Variants in MVK observed in about 807,000 individuals in gnomAD.
MVK encodes the protein mevalonate kinase, also known as LH receptor mRNA-binding protein.
In MVK, 34 loss-of-function variants were observed where a neutral mutation model predicts 43.2. The ratio of observed to expected loss-of-function variants is 0.79; its 90% CI spans 0.60 to 1.05. The LOEUF (loss-of-function observed/expected upper bound fraction) is 1.05. Ranked by LOEUF, MVK falls within the 50% of genes least tolerant of loss-of-function variation. The pLI, the probability that MVK is intolerant of heterozygous loss-of-function variation, is 0.00. For missense variants in MVK, 395 were observed against 504.0 expected (o/e 0.78, Z 2.07); for synonymous variants, 190 against 219.8 (o/e 0.86, Z 1.20).
intron 8 of MVK, 67 bp downstream of exon 8, chr12:109,590,928 A>T: frequency 6.5e-7 from 1 of 1,533,126 alleles, no homozygotes; most frequent in Non-Finnish European, 9.0e-7. Flanking sequence ...TGGATTTTCG[A>T]GGTCTCCCTC....
chr12:109,575,658 G>C (rs1406782229), intron 2 of MVK, among the ~76,000 whole-genome samples: 1 of 152,058 alleles, frequency 6.6e-6, no homozygotes, highest in Non-Finnish European at 1.5e-5. Flanking sequence ...AAAGTGCTGG[G>C]ATTACAGATA....
At chr12:109,592,967 A>G (rs1885747440) in intron 9 of MVK, among the ~76,000 whole-genome samples, 1 of 152,242 alleles carries the variant, frequency 6.6e-6, no homozygotes, top group Non-Finnish European at 1.5e-5. Flanking sequence ...AATGCCACAG[A>G]ACAGCACGTT....
chr12:109,590,591 G>T (rs1885622258), intron 7 of MVK, 180 bp from the exon 8 acceptor site: 2 of 662,180 alleles, frequency 3.0e-6, no homozygotes, highest in Non-Finnish European at 5.5e-6. Context: ...ACCAGTGCCT[G>T]GGATGGAGGC....
chr12:109,578,301 T>C (rs1023764392), intron 3 of MVK, among the ~76,000 whole-genome samples: 3 of 152,082 alleles, frequency 2.0e-5, no homozygotes, highest in African/African-American at 7.3e-5. Flanking sequence ...TCTTACTATG[T>C]TGCCCAGGCT....
rs1302108292 is a variant in MVK at position 109,576,095 on chromosome 12, AGCGG to A, written c.179_182del (p.Arg60ProfsTer31). 1 of 1,614,054 alleles carries A rather than the reference AGCGG, an allele frequency of 6.2e-7. No homozygotes were observed. Among genetic ancestry groups the A allele is most frequent in the Non-Finnish European group, 8.5e-7 (1 of 1,180,036 alleles). ...CTCAGCTTACCCAACATTGGTATCAAGCGGGCCTGGGATGTGGCCAGGCTTCAGT... is the reference window on the plus strand; with the variant it reads ...CTCAGCTTACCCAACATTGGTATCAAGCCTGGGATGTGGCCAGGCTTCAGT... On this transcript the variant is annotated frameshift_variant, in exon 3 of 11. Coordinates refer to ENST00000228510, the MANE Select transcript of MVK (RefSeq NM_000431.4). LOFTEE classifies it high-confidence loss of function.
At chr12:109,591,466 G>A in intron 9 of MVK, 109 bp downstream of exon 9, 4 of 1,044,172 alleles carry the variant, frequency 3.8e-6, no homozygotes, top group Non-Finnish European at 5.8e-6. Context: ...AGCACATAGA[G>A]GTCAGGACCT....
chr12:109,583,535 T>C (rs969577338), intron 5 of MVK, among the ~76,000 whole-genome samples: 40 of 152,244 alleles, frequency 2.6e-4, no homozygotes, highest in Non-Finnish European at 5.0e-4. Context: ...TCTTTGCTAT[T>C]GTGAATAGTG....
chr12:109,575,504 T>C (rs1203009885), intron 2 of MVK, among the ~76,000 whole-genome samples: 5 of 151,114 alleles, frequency 3.3e-5, no homozygotes. Context: ...GCCTCCAACC[T>C]CAGCCTCCCA....
chr12:109,576,391 C>G (rs1243497383), intron 3 of MVK, among the ~76,000 whole-genome samples: 1 of 151,590 alleles, frequency 6.6e-6, no homozygotes, highest in Non-Finnish European at 1.5e-5. Flanking sequence ...GAAAAAAATG[C>G]AAAACAGCAA....
intron 3 of MVK, among the ~76,000 whole-genome samples, chr12:109,576,951 T>G (rs1314880403): frequency 6.6e-6 from 1 of 152,186 alleles, no homozygotes; most frequent in Non-Finnish European, 1.5e-5. Flanking sequence ...TGGGACATTG[T>G]AATTTTAAAA....
chr12:109,585,437 G>A (rs1885395327), intron 5 of MVK, among the ~76,000 whole-genome samples: 1 of 152,184 alleles, frequency 6.6e-6, no homozygotes, highest in Non-Finnish European at 1.5e-5. Context: ...CTCCAGGGAA[G>A]GATAATGAGG....
At chr12:109,578,635 G>A (rs910856810) in intron 3 of MVK, among the ~76,000 whole-genome samples, 6 of 152,188 alleles carry the variant, frequency 3.9e-5, no homozygotes, top group African/African-American at 7.2e-5. Flanking sequence ...CTTAACAGCT[G>A]TTCCATCTCG....
At chr12:109,583,660 T>C (rs1885318211) in intron 5 of MVK, among the ~76,000 whole-genome samples, 1 of 152,208 alleles carries the variant, frequency 6.6e-6, no homozygotes, top group Admixed American at 6.5e-5. Flanking sequence ...TCTACATCCC[T>C]GAGGAATCGC....
chr12:109,596,611 G>T lies in MVK; in HGVS notation c.*34G>T. 1 of 1,599,168 alleles carries T rather than the reference G, an allele frequency of 6.3e-7. No homozygotes were observed. The highest frequency in any genetic ancestry group is 8.5e-7 in the Non-Finnish European group (1 of 1,178,022). ...CACGACACTGCAGCCCCACCCAGATGCCCCTTTCTGGATTATTCTGGGGGC... is the reference window on the plus strand; with the variant it reads ...CACGACACTGCAGCCCCACCCAGATTCCCCTTTCTGGATTATTCTGGGGGC... On this transcript the variant is annotated 3_prime_UTR_variant, in exon 11 of 11. Transcript: ENST00000228510.
intron 3 of MVK, among the ~76,000 whole-genome samples, chr12:109,577,537 T>C (rs1161999094): frequency 6.6e-6 from 1 of 152,180 alleles, no homozygotes. Flanking sequence ...CTGGAACTCC[T>C]GGGCTCAAGC....
chr12:109,597,021 A>G lies in MVK; in HGVS notation c.*444A>G, dbSNP rs763330679. On this transcript the variant is annotated 3_prime_UTR_variant, in exon 11 of 11. Transcript: ENST00000228510. ...TCAGGGCCAGGCCTCTCCCTCCTCC[A>G]GGAAGCCTTCCCCTACCCCTTGTCG... The G allele has an allele frequency of 4.1e-6, 1 of 243,926 alleles. No homozygotes were observed. Among genetic ancestry groups the G allele is most frequent in the African/African-American group, 2.3e-5 (1 of 44,360 alleles). The allele number at this position is 243,926 out of a possible 1,614,324, so 15.1% of individuals were successfully genotyped here.
chr12:109,577,723 T>G (rs1340919004), intron 3 of MVK, among the ~76,000 whole-genome samples: 2 of 152,186 alleles, frequency 1.3e-5, no homozygotes, highest in African/African-American at 2.4e-5. Context: ...TACAGATGGA[T>G]GGGCTCCTGG....
chr12:109,580,138 T>C (rs967994517), intron 4 of MVK, among the ~76,000 whole-genome samples, 192 bp downstream of exon 4: 8 of 152,208 alleles, frequency 5.3e-5, no homozygotes, highest in Non-Finnish European at 1.2e-4. Flanking sequence ...ACAGGGTCTC[T>C]GTTGCTCAGG....
chr12:109,579,146 T>A lies in MVK; in HGVS notation c.227-656T>A, dbSNP rs79532935. 3.1e-3 allele frequency: 1,176 copies of A among 373,780 alleles called. 1 individual carries two copies. Among genetic ancestry groups the A allele is most frequent in the South Asian group, 5.5e-3 (264 of 47,886 alleles). The allele number at this position is 373,780 out of a possible 1,614,324, so 23.2% of individuals were successfully genotyped here. ...TTGTTTTAAGACTACAATTTTTTTTTTTTTTTTTTTTGAGACAGGGTCTCA... is the reference window on the plus strand; with the variant it reads ...TTGTTTTAAGACTACAATTTTTTTTATTTTTTTTTTTGAGACAGGGTCTCA... On this transcript the variant is annotated intron_variant, in intron 3 of 10. Transcript: ENST00000228510.
Sources: allele counts gnomAD v4.1 joint callset (sites outside exome capture counted in the v4.1 genomes callset), GRCh38; gene constraint gnomAD v4.1.1; transcripts MANE v1.5; gene names NCBI Gene and HGNC (gene_info 2026-07-23, HGNC 2026-07-21).